RAB2A: variants seen among roughly 807,000 people sequenced by gnomAD.
RAB2A encodes the protein RAB2A, member RAS oncogene family, also known as ras-related protein Rab-2A.
Under a neutral mutation model 32.5 loss-of-function variants are expected in RAB2A, and 7 were observed. The ratio of observed to expected loss-of-function variants is 0.22; its 90% confidence interval spans 0.12 to 0.40. RAB2A has a LOEUF of 0.40. RAB2A is among the 10% of genes least tolerant of loss of function. RAB2A has a pLI of 1.00. For synonymous variants in RAB2A, 79 were observed against 85.2 expected (o/e 0.93, Z 0.40); for missense variants, 108 against 260.7 (o/e 0.41, Z 4.03).
chr8:60,532,403 G>A (rs1807490159), intron 1 of RAB2A, among the ~76,000 whole-genome samples: 1 of 152,158 alleles, frequency 6.6e-6, no homozygotes, highest in Non-Finnish European at 1.5e-5. Flanking sequence ...CAATAATAAT[G>A]TATGCCCGAT....
Position 60,619,860 on chromosome 8 carries a change from G to A in RAB2A, c.544-814G>A, listed in dbSNP as rs562336439. Among the ~76,000 whole-genome samples the A allele has an allele frequency of 5.9e-5, 9 of 152,374 alleles. No homozygotes were observed. In the East Asian group the frequency reaches 1.5e-3, roughly 26 times the overall value. On this transcript the variant is annotated intron_variant, in intron 7 of 7. Coordinates refer to ENST00000262646, the MANE Select transcript of RAB2A (RefSeq NM_002865.3). The stretch of plus-strand genomic sequence containing the variant: ...GTCTGACTCCTTGACTCCTCAAGAA[G>A]TTGCTACCAGCCCAGAGGGGGCAAA...
intron 1 of RAB2A, among the ~76,000 whole-genome samples, chr8:60,541,997 G>GA (rs1446088415): frequency 1.3e-5 from 2 of 151,990 alleles, no homozygotes; most frequent in African/African-American, 2.4e-5. Flanking sequence ...GTTCATCTTT[G>GA]AAAAAATCAA....
chr8:60,578,056 A>G (rs1239665006), intron 3 of RAB2A, among the ~76,000 whole-genome samples: 1 of 152,162 alleles, frequency 6.6e-6, no homozygotes, highest in Non-Finnish European at 1.5e-5. Context: ...TTTGGTTCTC[A>G]TCTGTCTTCT....
At chr8:60,575,212 C>T (rs1233565487) in intron 3 of RAB2A, among the ~76,000 whole-genome samples, 3 of 151,686 alleles carry the variant, frequency 2.0e-5, no homozygotes, top group Non-Finnish European at 4.4e-5. Flanking sequence ...AATCCTCCCA[C>T]GTCAGCCTCT....
chr8:60,517,940 G>A (rs1807235837), intron 1 of RAB2A, among the ~76,000 whole-genome samples: 1 of 152,148 alleles, frequency 6.6e-6, no homozygotes, highest in Non-Finnish European at 1.5e-5. Flanking sequence ...TTTGCCACGT[G>A]TGAACTGGGG....
intron 1 of RAB2A, among the ~76,000 whole-genome samples, chr8:60,544,061 C>CA (rs532347157): frequency 1.6e-3 from 150 of 93,518 alleles, no homozygotes; most frequent in Non-Finnish European, 2.4e-3. Context: ...GACTCCGTCT[C>CA]AAAAAAAAAA....
chr8:60,578,916 A>G (rs1803687301), intron 3 of RAB2A, among the ~76,000 whole-genome samples: 2 of 152,218 alleles, frequency 1.3e-5, no homozygotes, highest in Admixed American at 1.3e-4. Flanking sequence ...TTTTGCACAA[A>G]TGTTCCGTGA....
intron 3 of RAB2A, among the ~76,000 whole-genome samples, chr8:60,573,541 G>A (rs1285085900): frequency 6.6e-6 from 1 of 152,014 alleles, no homozygotes; most frequent in Non-Finnish European, 1.5e-5. Flanking sequence ...CTCGACTCTG[G>A]GTTCTTGTGT....
At chr8:60,561,180 C>A (rs772467936) in intron 2 of RAB2A, among the ~76,000 whole-genome samples, 1 of 152,076 alleles carries the variant, frequency 6.6e-6, no homozygotes, top group Non-Finnish European at 1.5e-5. Flanking sequence ...GGTTTATACC[C>A]CATCTCTTCT....
At chr8:60,592,913 A>G (rs1803966436) in intron 6 of RAB2A, among the ~76,000 whole-genome samples, 1 of 152,248 alleles carries the variant, frequency 6.6e-6, no homozygotes, top group South Asian at 2.1e-4. Flanking sequence ...AAGAGCAACT[A>G]CAGAAAGTAG....
rs556292460 is a variant in RAB2A, at chr8:60,544,890, T to C, written c.47-13962T>C. 5.9e-5 allele frequency among the ~76,000 whole-genome samples: 9 copies of C among 152,210 alleles called. No individual in the cohort carries two copies. The East Asian group carries it at 1.4e-3, about 23-fold the overall frequency. The stretch of plus-strand genomic sequence containing the variant: ...TGTTTCACGGTTTTTCAGTTTGTAA[T>C]GTAATTACAAAATGGCTAGTTTTTT... On this transcript the variant is annotated intron_variant, in intron 1 of 7. Coordinates refer to ENST00000262646, the MANE Select transcript of RAB2A (RefSeq NM_002865.3).
chr8:60,562,646 TAAAA>T (rs1477461303), intron 2 of RAB2A, among the ~76,000 whole-genome samples: 5 of 152,174 alleles, frequency 3.3e-5, no homozygotes, highest in Admixed American at 1.3e-4. Flanking sequence ...TAATGATACT[TAAAA>T]AAATTATCTG....
chr8:60,613,548 G>A (rs139831726), intron 6 of RAB2A, among the ~76,000 whole-genome samples: 12 of 152,238 alleles, frequency 7.9e-5, no homozygotes, highest in Admixed American at 7.9e-4. Context: ...TTACAGAGAG[G>A]CTAAGCACTG....
chr8:60,580,591 C>G (rs1381455398), intron 3 of RAB2A, among the ~76,000 whole-genome samples: 1 of 152,122 alleles, frequency 6.6e-6, no homozygotes, highest in Admixed American at 6.5e-5. Flanking sequence ...AGATGCATAG[C>G]TACAGTCATA....
intron 1 of RAB2A, among the ~76,000 whole-genome samples, chr8:60,527,542 C>T (rs1807411673): frequency 6.6e-6 from 1 of 152,148 alleles, no homozygotes; most frequent in African/African-American, 2.4e-5. Context: ...AGATTGGCCA[C>T]TCCCCTAGCA....
At chr8:60,586,636 G>C (rs1259725231) in intron 5 of RAB2A, among the ~76,000 whole-genome samples, 1 of 151,988 alleles carries the variant, frequency 6.6e-6, no homozygotes. Context: ...TTCATTGAAG[G>C]CCAGGTACAA....
chr8:60,531,180 C>T (rs1422182279), intron 1 of RAB2A, among the ~76,000 whole-genome samples: 1 of 152,104 alleles, frequency 6.6e-6, no homozygotes. Context: ...GCTCTGCTGC[C>T]CCAGCATTAT....
chr8:60,589,766 T>C (rs1185464484), intron 5 of RAB2A, among the ~76,000 whole-genome samples: 1 of 152,190 alleles, frequency 6.6e-6, no homozygotes, highest in Non-Finnish European at 1.5e-5. Context: ...TATCGTCAAG[T>C]ACTATGGCTT....
intron 3 of RAB2A, among the ~76,000 whole-genome samples, chr8:60,581,195 A>G (rs1248973105): frequency 1.3e-5 from 2 of 152,158 alleles, no homozygotes; most frequent in African/African-American, 4.8e-5. Flanking sequence ...TTCACATGAC[A>G]CTCAGAGGAG....
Sources: gnomAD v4.1 joint callset for allele counts (sites outside exome capture counted in the v4.1 genomes callset) on GRCh38, gnomAD v4.1.1 for gene constraint, MANE v1.5 for transcripts, NCBI Gene and HGNC (gene_info 2026-07-23, HGNC 2026-07-21) for gene names.